OR5A1: variants seen among roughly 807,000 people sequenced by gnomAD.
OR5A1 encodes the protein olfactory receptor family 5 subfamily A member 1.
A neutral mutation model predicts 6.7 loss-of-function variants in OR5A1; 6 were observed. The observed-to-expected ratio is 0.89, with a 90% CI of 0.49 to 1.76. The LOEUF (loss-of-function observed/expected upper bound fraction) is 1.76. OR5A1 is among the 40% of genes most tolerant of loss of function. The probability of loss-of-function intolerance (pLI) is 0.01; values close to 1 mark genes in which losing one functional copy is unlikely to be tolerated. For synonymous variants in OR5A1, 170 were observed against 155.0 expected (o/e 1.10, Z -0.72); for missense variants, 378 against 381.7 (o/e 0.99, Z 0.08).
intron 1 of OR5A1, among the ~76,000 whole-genome samples, chr11:59,437,462 G>A (rs908336283): frequency 6.6e-6 from 1 of 152,136 alleles, no homozygotes; most frequent in African/African-American, 2.4e-5. Context: ...ATTTCACTTA[G>A]TAATATGCAC....
At position 59,444,178 on chromosome 11, in the gene OR5A1, TC is replaced by T; in HGVS notation, c.*64del. ...GAATTAAACAATCCAAGCCTTCACCTCCACCTCTGCCTCAGGCAAGGGAGAT... is the reference window on the plus strand; with the variant it reads ...GAATTAAACAATCCAAGCCTTCACCTCACCTCTGCCTCAGGCAAGGGAGAT... On this transcript the variant is annotated 3_prime_UTR_variant, in exon 2 of 2. Coordinates refer to ENST00000641045, the MANE Select transcript of OR5A1 (RefSeq NM_001004728.2). 1.8e-6 allele frequency: 2 copies of T among 1,119,836 alleles called. No individual in the cohort carries two copies. The highest frequency in any genetic ancestry group is 2.6e-6 in the Non-Finnish European group (2 of 762,290). The allele number at this position is 1,119,836 out of a possible 1,614,324, so 69.4% of individuals were successfully genotyped here.
rs1190194097 is a variant in OR5A1 at position 59,445,976 on chromosome 11, C to A, written c.*1860C>A. 2 of 152,054 alleles carry A rather than the reference C, an allele frequency of 1.3e-5. No individual in the cohort carries two copies. The highest frequency in any genetic ancestry group is 2.9e-5 in the Non-Finnish European group (2 of 68,010). The allele number at this position is 152,054 out of a possible 1,614,324, so 9.4% of individuals were successfully genotyped here. On this transcript the variant is annotated 3_prime_UTR_variant, in exon 2 of 2. Coordinates refer to ENST00000641045, the MANE Select transcript of OR5A1 (RefSeq NM_001004728.2). ...CTAATGATAGCTTCTTTTGCAGAAT[C>A]TCTTTAGTTTAATTAGATCCCATTT...
rs368777119 is a variant in OR5A1 at position 59,444,151 on chromosome 11, G to A, written c.*35G>A. Reference sequence around the variant, plus strand: ...AGAAACTTATTTATCCAAACTGCTGGAGAATTAAACAATCCAAGCCTTCAC... The same window carrying A: ...AGAAACTTATTTATCCAAACTGCTGAAGAATTAAACAATCCAAGCCTTCAC... On this transcript the variant is annotated 3_prime_UTR_variant, in exon 2 of 2. Transcript: ENST00000641045. 838 of 1,444,106 alleles carry A rather than the reference G, an allele frequency of 5.8e-4. 3 individuals carry two copies. Among genetic ancestry groups the A allele is most frequent in the Non-Finnish European group, 7.5e-4 (777 of 1,039,266 alleles). 89.5% of individuals were successfully genotyped at this position (1,444,106 alleles called of 1,614,324 possible). A position where few individuals can be genotyped will look rare whatever the true frequency, so the allele number is the denominator to read the frequency against.
chr11:59,451,335 T>A lies in OR5A1; in HGVS notation c.*7219T>A, dbSNP rs1253467688. On this transcript the variant is annotated 3_prime_UTR_variant, in exon 2 of 2. Transcript: ENST00000641045. The stretch of plus-strand genomic sequence containing the variant: ...AAGAGATCCTCCCTCCTTGGCCTCC[T>A]AATATATTTATCTGATCAATAGTTG... 1 of 152,080 alleles carries A rather than the reference T, an allele frequency of 6.6e-6. No individual in the cohort carries two copies. Among genetic ancestry groups the A allele is most frequent in the Non-Finnish European group, 1.5e-5 (1 of 67,980 alleles). The allele number at this position is 152,080 out of a possible 1,614,324, so 9.4% of individuals were successfully genotyped here.
intron 1 of OR5A1, among the ~76,000 whole-genome samples, chr11:59,439,429 C>T (rs946600932): frequency 4.6e-5 from 7 of 152,116 alleles, no homozygotes; most frequent in African/African-American, 1.7e-4. Context: ...TTGATTATAC[C>T]TGGTGTTGAT....
In OR5A1 at chr11:59,443,402, T is replaced by G. The variant is rs1354362648; in HGVS notation, c.234T>G (p.Ser78=). ...NLSFIDICYS[S]AVAPNMLTDF... Reference sequence around the variant, plus strand: ...CTTTCATTGACATCTGCTACTCTTCTGCTGTGGCTCCCAATATGCTCACTG... The same window carrying G: ...CTTTCATTGACATCTGCTACTCTTCGGCTGTGGCTCCCAATATGCTCACTG... Residue 78 remains serine (S), a synonymous_variant, in exon 2 of 2, where the codon TCT becomes TCG. Coordinates refer to ENST00000641045, the MANE Select transcript of OR5A1 (RefSeq NM_001004728.2). 6.2e-7 allele frequency: 1 copy of G among 1,613,914 alleles called. No individual in the cohort carries two copies. The highest frequency in any genetic ancestry group is 1.1e-5 in the South Asian group (1 of 91,082).
Position 59,445,718 on chromosome 11 carries a change from G to A in OR5A1, c.*1602G>A, listed in dbSNP as rs1858540132. On this transcript the variant is annotated 3_prime_UTR_variant, in exon 2 of 2. Transcript: ENST00000641045. ...ATTGCCATTCTGACTAGCATGAGAT[G>A]GTATCTCATTGTGATTTTTTATTTG... is the stretch of plus-strand genomic sequence containing the variant. 1 of 151,946 alleles carries A rather than the reference G, an allele frequency of 6.6e-6. No individual in the cohort carries two copies. Among genetic ancestry groups the A allele is most frequent in the Admixed American group, 6.6e-5 (1 of 15,248 alleles). 9.4% of individuals were successfully genotyped at this position (151,946 alleles called of 1,614,324 possible). A position where few individuals can be genotyped will look rare whatever the true frequency, so the allele number is the denominator to read the frequency against.
rs202021131 is a variant in OR5A1, at chr11:59,443,734, C to T, written c.566C>T (p.Ala189Val). ...HFFCDLPPVL[A>V]LSCSDTFLSQ... ...TTCTGCGACCTCCCACCAGTCCTGGCTCTGTCTTGCTCTGACACCTTCCTC... is the reference window on the plus strand; with the variant it reads ...TTCTGCGACCTCCCACCAGTCCTGGTTCTGTCTTGCTCTGACACCTTCCTC... The change falls in exon 2 of 2, where the codon GCT becomes GTT. Residue 189 changes from alanine (A) to valine (V), a missense_variant. Ala to Val is a moderately conservative substitution (Grantham distance 64). Coordinates refer to ENST00000641045, the MANE Select transcript of OR5A1 (RefSeq NM_001004728.2). 10 of 1,614,152 alleles carry T rather than the reference C, an allele frequency of 6.2e-6. No individual in the cohort carries two copies. The highest frequency in any genetic ancestry group is 8.5e-6 in the Non-Finnish European group (10 of 1,180,002).
Position 59,443,127 on chromosome 11 carries a change from C to A in OR5A1, c.-33-9C>A. On this transcript the variant is annotated splice_polypyrimidine_tract_variant and intron_variant, in intron 1 of 1. Coordinates refer to ENST00000641045, the MANE Select transcript of OR5A1 (RefSeq NM_001004728.2). Reference sequence around the variant, plus strand: ...CCACCTATAATGTGGACTGTCATTACTATCCCAGGTCTGCATCTTGTCCTT... The same window carrying A: ...CCACCTATAATGTGGACTGTCATTAATATCCCAGGTCTGCATCTTGTCCTT... The A allele has an allele frequency of 1.3e-6, 2 of 1,487,792 alleles. No homozygotes were observed. Among genetic ancestry groups the A allele is most frequent in the Non-Finnish European group, 1.9e-6 (2 of 1,072,150 alleles). 92.2% of individuals were successfully genotyped at this position (1,487,792 alleles called of 1,614,324 possible).
At chr11:59,437,961 A>G (rs771767232) in intron 1 of OR5A1, among the ~76,000 whole-genome samples, 49 of 152,316 alleles carry the variant, frequency 3.2e-4, no homozygotes, top group Middle Eastern at 3.4e-3. Flanking sequence ...TGAATGGGGT[A>G]GTGCTATCCC....
At position 59,443,357 on chromosome 11, in the gene OR5A1, C is replaced by T. The variant is rs1858504799; in HGVS notation, c.189C>T (p.Tyr63=). The part of the protein sequence containing the change: ...RGDTHLHTPM[Y]FFLSNLSFID... ...ACACCCATCTGCACACACCCATGTA[C>T]TTCTTCCTAAGCAACTTATCTTTCA... is the stretch of plus-strand genomic sequence containing the variant. The change falls in exon 2 of 2, where the codon TAC becomes TAT. Residue 63 remains tyrosine, a synonymous_variant. Coordinates refer to ENST00000641045, the MANE Select transcript of OR5A1 (RefSeq NM_001004728.2). 1 of 1,613,782 alleles carries T rather than the reference C, an allele frequency of 6.2e-7. No homozygotes were observed. The highest frequency in any genetic ancestry group is 1.7e-5 in the Admixed American group (1 of 59,988).
chr11:59,444,271 G>GT lies in OR5A1; in HGVS notation c.*156dup. On this transcript the variant is annotated 3_prime_UTR_variant, in exon 2 of 2. Coordinates refer to ENST00000641045, the MANE Select transcript of OR5A1 (RefSeq NM_001004728.2). Reference sequence around the variant, plus strand: ...CTCTCACCCTTCCTCATGGTCACTTGTCTACTGACTGTGCCATAGATAGCC... The same window carrying GT: ...CTCTCACCCTTCCTCATGGTCACTTGTTCTACTGACTGTGCCATAGATAGCC... 3.2e-6 allele frequency: 1 copy of GT among 311,140 alleles called. No individual in the cohort carries two copies. Among genetic ancestry groups the GT allele is most frequent in the South Asian group, 4.4e-5 (1 of 22,938 alleles). The allele number at this position is 311,140 out of a possible 1,614,324, so 19.3% of individuals were successfully genotyped here.
At chr11:59,439,927 T>A (rs1858463011) in intron 1 of OR5A1, among the ~76,000 whole-genome samples, 1 of 152,220 alleles carries the variant, frequency 6.6e-6, no homozygotes, top group African/African-American at 2.4e-5. Context: ...GTCCTATCAA[T>A]AATATTTTAA....
intron 1 of OR5A1, among the ~76,000 whole-genome samples, chr11:59,440,556 G>GC (rs1335883706): frequency 2.0e-5 from 3 of 152,116 alleles, no homozygotes; most frequent in Non-Finnish European, 2.9e-5. Context: ...CTGAATGGGT[G>GC]CCCCCAGATG....
rs1255755449 is a variant in OR5A1 at position 59,448,123 on chromosome 11, CG to C, written c.*4008del. On this transcript the variant is annotated 3_prime_UTR_variant, in exon 2 of 2. Transcript: ENST00000641045. Reference sequence around the variant, plus strand: ...ATTTGTATTGGTCCACATTCAAAGCCGTCCTGGGCCGCATGAAGCCCACGGG... The same window carrying C: ...ATTTGTATTGGTCCACATTCAAAGCCTCCTGGGCCGCATGAAGCCCACGGG... The C allele has an allele frequency of 6.6e-6, 1 of 152,150 alleles. No homozygotes were observed. The highest frequency in any genetic ancestry group is 2.4e-5 in the African/African-American group (1 of 41,438). 9.4% of individuals were successfully genotyped at this position (152,150 alleles called of 1,614,324 possible). A position where few individuals can be genotyped will look rare whatever the true frequency, so the allele number is the denominator to read the frequency against.
intron 1 of OR5A1, among the ~76,000 whole-genome samples, chr11:59,437,524 A>G (rs2134533219): frequency 6.6e-6 from 1 of 152,270 alleles, no homozygotes; most frequent in Middle Eastern, 3.4e-3. Context: ...TATTTTCGGT[A>G]CTATACTTTT....
rs914255358 is a variant in OR5A1, at chr11:59,450,986, A to G, written c.*6870A>G. 1 of 152,220 alleles carries G rather than the reference A, an allele frequency of 6.6e-6. No homozygotes were observed. The highest frequency in any genetic ancestry group is 1.5e-5 in the Non-Finnish European group (1 of 68,036). The allele number at this position is 152,220 out of a possible 1,614,324, so 9.4% of individuals were successfully genotyped here. ...TTTGTTTATATTTAGGACATTAAACATTTGGTTTATTAACTCTTTAGCATA... is the reference window on the plus strand; with the variant it reads ...TTTGTTTATATTTAGGACATTAAACGTTTGGTTTATTAACTCTTTAGCATA... On this transcript the variant is annotated 3_prime_UTR_variant, in exon 2 of 2. Coordinates refer to ENST00000641045, the MANE Select transcript of OR5A1 (RefSeq NM_001004728.2).
chr11:59,436,542 T>C lies in OR5A1; in HGVS notation c.-327T>C, dbSNP rs1858416646. 1 of 152,184 alleles carries C rather than the reference T, an allele frequency of 6.6e-6. No individual in the cohort carries two copies. The highest frequency in any genetic ancestry group is 2.4e-5 in the African/African-American group (1 of 41,428). The allele number at this position is 152,184 out of a possible 1,614,324, so 9.4% of individuals were successfully genotyped here. A position where few individuals can be genotyped will look rare whatever the true frequency, so the allele number is the denominator to read the frequency against. ...CCCAACCCCAGCTTTGAACATTTTCTCAAAATGACCCTAAATGCAGATATT... is the reference window on the plus strand; with the variant it reads ...CCCAACCCCAGCTTTGAACATTTTCCCAAAATGACCCTAAATGCAGATATT... On this transcript the variant is annotated 5_prime_UTR_variant, in exon 1 of 2. Coordinates refer to ENST00000641045, the MANE Select transcript of OR5A1 (RefSeq NM_001004728.2).
chr11:59,441,757 T>C (rs1858482011), intron 1 of OR5A1, among the ~76,000 whole-genome samples: 1 of 152,174 alleles, frequency 6.6e-6, no homozygotes, highest in South Asian at 2.1e-4. Context: ...CACTAAAAAT[T>C]CAAATAATTT....
Sources: allele counts gnomAD v4.1 joint callset (sites outside exome capture counted in the v4.1 genomes callset), GRCh38; gene constraint gnomAD v4.1.1; transcripts MANE v1.5; gene names NCBI Gene and HGNC (gene_info 2026-07-23, HGNC 2026-07-21).